UNK: variants seen among roughly 807,000 people sequenced by gnomAD.
The protein encoded by UNK is RING finger protein unkempt homolog.
In UNK, 32 loss-of-function variants were observed where a neutral mutation model predicts 97.6. The observed-to-expected ratio is 0.33, with a 90% CI of 0.25 to 0.44. UNK has a LOEUF of 0.44. Among genes scored for constraint, UNK ranks in the 20% least tolerant of loss-of-function variants. UNK has a pLI of 1.00. For missense variants in UNK, 771 were observed against 1,098.4 expected, an observed-to-expected ratio of 0.70 and a Z score of 4.21; for synonymous variants, 441 against 461.2, an observed-to-expected ratio of 0.96 and a Z score of 0.56.
chr17:75,798,212 A>G (rs1485518030), intron 1 of UNK, among the ~76,000 whole-genome samples: 2 of 152,004 alleles, frequency 1.3e-5, no homozygotes, highest in Non-Finnish European at 2.9e-5. Context: ...CTGGGATTAC[A>G]GGTGTGTGCC....
At position 75,818,891 on chromosome 17, in the gene UNK, C is replaced by A; in HGVS notation, c.1546+75C>A. 7.0e-7 allele frequency: 1 copy of A among 1,431,080 alleles called. No individual in the cohort carries two copies. The highest frequency in any genetic ancestry group is 9.3e-7 in the Non-Finnish European group (1 of 1,080,592). 88.6% of individuals were successfully genotyped at this position (1,431,080 alleles called of 1,614,324 possible). ...AGACCCCCCAGTCTCTGAAGCGAGT[C>A]TCAAATCAGCACACCAGACCCCTTA... On this transcript the variant is annotated intron_variant, in intron 11 of 15. Transcript: ENST00000589666. This position sits in a 1 kb window ranked among gnomAD's most constrained non-coding sequence, Gnocchi z 5.1.
intron 1 of UNK, among the ~76,000 whole-genome samples, chr17:75,796,421 T>G (rs2061806472): frequency 6.6e-6 from 1 of 151,782 alleles, no homozygotes; most frequent in South Asian, 2.1e-4. Context: ...TGGGCTCAAA[T>G]GATCCTCTCA....
intron 1 of UNK, among the ~76,000 whole-genome samples, chr17:75,786,592 C>G (rs1225314723): frequency 6.6e-6 from 1 of 152,188 alleles, no homozygotes; most frequent in East Asian, 1.9e-4. Flanking sequence ...CGTGGTAGCT[C>G]TCACGCCTGT....
At chr17:75,813,432 C>G (rs1216538336) in intron 5 of UNK, among the ~76,000 whole-genome samples, 1 of 152,306 alleles carries the variant, frequency 6.6e-6, no homozygotes, top group South Asian at 2.1e-4. Flanking sequence ...CAGACCGTCT[C>G]TGAGGCTCCA....
intron 1 of UNK, among the ~76,000 whole-genome samples, chr17:75,790,180 G>T (rs1298352180): frequency 6.6e-6 from 1 of 151,172 alleles, no homozygotes; most frequent in African/African-American, 2.4e-5. Flanking sequence ...AAATTAGCTG[G>T]GTGTGGTGGC....
intron 1 of UNK, chr17:75,792,528 A>T: frequency 1.0e-6 from 1 of 968,514 alleles, no homozygotes; most frequent in Non-Finnish European, 1.2e-6. Flanking sequence ...ACATTAGCCT[A>T]ATTGCTAACA....
Position 75,818,886 on chromosome 17 carries a change from C to A in UNK, c.1546+70C>A, listed in dbSNP as rs1054416398. 1.4e-6 allele frequency: 2 copies of A among 1,444,640 alleles called. No homozygotes were observed. Among genetic ancestry groups the A allele is most frequent in the African/African-American group, 2.9e-5 (2 of 69,256 alleles). The allele number at this position is 1,444,640 out of a possible 1,614,324, so 89.5% of individuals were successfully genotyped here. ...GTCAGAGACCCCCCAGTCTCTGAAGCGAGTCTCAAATCAGCACACCAGACC... is the reference window on the plus strand; with the variant it reads ...GTCAGAGACCCCCCAGTCTCTGAAGAGAGTCTCAAATCAGCACACCAGACC... On this transcript the variant is annotated intron_variant, in intron 11 of 15. Coordinates refer to ENST00000589666, the MANE Select transcript of UNK (RefSeq NM_001080419.3). This position sits in a 1 kb window ranked among gnomAD's most constrained non-coding sequence, Gnocchi z 5.1.
rs1310577239 is a variant in UNK at position 75,809,744 on chromosome 17, G to A, written c.105-16G>A. The A allele has an allele frequency of 1.3e-6, 2 of 1,590,282 alleles. No individual in the cohort carries two copies. Among genetic ancestry groups the A allele is most frequent in the Non-Finnish European group, 1.7e-6 (2 of 1,169,060 alleles). Reference sequence around the variant, plus strand: ...TCTCTGCTCCCGGCCTGCCCCACGCGGGGCTCTCTCTGCAGGTACCTGAAA... The same window carrying A: ...TCTCTGCTCCCGGCCTGCCCCACGCAGGGCTCTCTCTGCAGGTACCTGAAA... On this transcript the variant is annotated splice_polypyrimidine_tract_variant and intron_variant, in intron 1 of 15. Coordinates refer to ENST00000589666, the MANE Select transcript of UNK (RefSeq NM_001080419.3).
intron 1 of UNK, chr17:75,785,628 A>C (rs1402792621): frequency 6.6e-6 from 1 of 152,330 alleles, no homozygotes; most frequent in Non-Finnish European, 1.5e-5. Context: ...CAGGCTCAGC[A>C]GAAATGTAGC....
intron 1 of UNK, among the ~76,000 whole-genome samples, chr17:75,794,374 C>G (rs979784559): frequency 2.0e-5 from 3 of 152,142 alleles, no homozygotes; most frequent in African/African-American, 7.2e-5. Flanking sequence ...TGGTGGCTCA[C>G]GCCTGTAATC....
At position 75,784,979 on chromosome 17, in the gene UNK, C is replaced by A; in HGVS notation, c.99C>A (p.His33Gln). The A allele has an allele frequency of 6.8e-7, 1 of 1,479,230 alleles. No individual in the cohort carries two copies. The highest frequency in any genetic ancestry group is 9.0e-7 in the Non-Finnish European group (1 of 1,112,952). The allele number at this position is 1,479,230 out of a possible 1,614,324, so 91.6% of individuals were successfully genotyped here. ...AGGCACAGCCCGAGAAACCGCAGCACTACACGTACGTAGAGCCCCCCCCCC... is the reference window on the plus strand; with the variant it reads ...AGGCACAGCCCGAGAAACCGCAGCAATACACGTACGTAGAGCCCCCCCCCC... Reference protein sequence around the residue: ...VLQAQPEKPQHYTYLKEFRTE... With the variant: ...VLQAQPEKPQQYTYLKEFRTE... The change falls in exon 1 of 16, where the codon CAC (histidine) becomes CAA (glutamine). Residue 33 changes from histidine (H) to glutamine (Q), a missense_variant. By Grantham distance (24) the His-to-Gln change is conservative (BLOSUM62 0). Coordinates refer to ENST00000589666, the MANE Select transcript of UNK (RefSeq NM_001080419.3).
rs2061978592 is a variant in UNK, at chr17:75,812,506, G to C, written c.543G>C (p.Gly181=). 2 of 1,612,732 alleles carry C rather than the reference G, an allele frequency of 1.2e-6. No individual in the cohort carries two copies. The highest frequency in any genetic ancestry group is 1.7e-6 in the Non-Finnish European group (2 of 1,179,770). ...AGAATGGCCAGACCACGGTAGAGGG[G>C]AGCATAGAGGGCCAGTCGGCTGGGG... The part of the protein sequence containing the change: ...ALQNGQTTVE[G]SIEGQSAGAA... The change falls in exon 4 of 16, where the codon GGG becomes GGC. Residue 181 remains glycine (G), a synonymous_variant. Transcript: ENST00000589666.
chr17:75,800,012 C>T (rs540090135), intron 1 of UNK, among the ~76,000 whole-genome samples: 4 of 150,844 alleles, frequency 2.7e-5, no homozygotes, highest in Admixed American at 1.3e-4. Flanking sequence ...GTCAGCAAAC[C>T]GGCTTGCATG....
chr17:75,818,197 C>T lies in UNK; in HGVS notation c.1371+29C>T. 6.2e-7 allele frequency: 1 copy of T among 1,612,418 alleles called. No individual in the cohort carries two copies. The highest frequency in any genetic ancestry group is 8.5e-7 in the Non-Finnish European group (1 of 1,179,210). On this transcript the variant is annotated intron_variant, in intron 10 of 15. Transcript: ENST00000589666. The surrounding 1 kb of genome is among the most constrained non-coding windows in gnomAD (Gnocchi z 5.1). ...TAGAGCTCTCAGCCCCCTTCCTCCC[C>T]TCTGCTGTGGACAGGAGTGGCCCAG...
chr17:75,785,329 A>G (rs150981299), intron 1 of UNK: 5 of 229,236 alleles, frequency 2.2e-5, no homozygotes, highest in Non-Finnish European at 4.3e-5. Context: ...TGAGAAGTCC[A>G]AGACACAACC....
intron 14 of UNK, 37 bp from the exon 15 acceptor site, chr17:75,823,228 A>C: frequency 6.4e-7 from 1 of 1,555,628 alleles, no homozygotes; most frequent in Non-Finnish European, 8.7e-7. Context: ...GGGGCAGGGC[A>C]GGGCCATTGT....
At chr17:75,802,242 CTTTTTTTTTTTTTTTT>C (rs56221993) in intron 1 of UNK, among the ~76,000 whole-genome samples, 643 of 47,302 alleles carry the variant, frequency 0.014, 17 homozygotes, top group African/African-American at 0.055. Context: ...GCACAGATGT[CTTTTTTTTTTTTTTTT>C]TTTTTTTTTT....
intron 1 of UNK, among the ~76,000 whole-genome samples, chr17:75,795,321 T>TTTGTTGTTG (rs542714810): frequency 6.6e-6 from 1 of 151,736 alleles, no homozygotes; most frequent in Non-Finnish European, 1.5e-5. Context: ...TTGTGGGCTT[T>TTTGTTGTTG]TTGTTGTTGT....
rs183155156 is a variant in UNK, at chr17:75,795,250, G to A, written c.104+10266G>A. Among the ~76,000 whole-genome samples, 70 of 152,118 alleles carry A rather than the reference G, an allele frequency of 4.6e-4. No homozygotes were observed. The East Asian group carries it at 0.013, about 28-fold the overall frequency. ...TGTTAGTTTAAACATATTACTAAAG[G>A]GTCATAAAACTGGAGGTTTTCCAGG... On this transcript the variant is annotated intron_variant, in intron 1 of 15. Coordinates refer to ENST00000589666, the MANE Select transcript of UNK (RefSeq NM_001080419.3).
Sources: gnomAD v4.1 joint callset for allele counts (sites outside exome capture counted in the v4.1 genomes callset) on GRCh38, gnomAD v4.1.1 for gene constraint, Gnocchi (gnomAD v3.1) non-coding constraint, MANE v1.5 for transcripts, NCBI Gene and HGNC (gene_info 2026-07-23, HGNC 2026-07-21) for gene names.